The following PALM2AKAP2 variants were observed in gnomAD, a reference collection of about 807,000 sequenced individuals.
The protein encoded by PALM2AKAP2 is PALM2 and AKAP2 fusion.
In PALM2AKAP2, 37 loss-of-function variants were observed where a neutral mutation model predicts 71.5. The observed-to-expected ratio is 0.52, with a 90% confidence interval of 0.40 to 0.68. The LOEUF (loss-of-function observed/expected upper bound fraction) is 0.68, where lower values mean the gene tolerates loss of function less well. Among genes scored for constraint, PALM2AKAP2 ranks in the 30% least tolerant of loss-of-function variants. PALM2AKAP2 has a pLI of 0.00. For missense variants in PALM2AKAP2, 1,224 were observed against 1,191.8 expected (o/e 1.03, Z -0.40); for synonymous variants, 468 against 478.8 (o/e 0.98, Z 0.29).
In PALM2AKAP2 at chr9:110,005,888, G is replaced by A. The variant is rs189918359; in HGVS notation, c.497-10066G>A. ...AGACCATTGGAAAAGTGCAGTATTA[G>A]GGTGGGAGTGACCCGATTTTCCAGG... On this transcript the variant is annotated intron_variant, in intron 6 of 9. Transcript: ENST00000302798. 2.1e-3 allele frequency among the ~76,000 whole-genome samples: 318 copies of A among 152,288 alleles called. 1 individual carries two copies. The highest frequency in any genetic ancestry group is 6.0e-3 in the South Asian group (29 of 4,822).
intron 6 of PALM2AKAP2, among the ~76,000 whole-genome samples, chr9:109,994,727 C>A (rs1312708758): frequency 6.6e-6 from 1 of 152,158 alleles, no homozygotes; most frequent in Non-Finnish European, 1.5e-5. Flanking sequence ...CGCCACCCCA[C>A]ACCCACAGGC....
chr9:109,705,863 G>T (rs1421447414), intron 1 of PALM2AKAP2, among the ~76,000 whole-genome samples: 2 of 152,112 alleles, frequency 1.3e-5, no homozygotes, highest in Admixed American at 6.6e-5. Context: ...GATAATAAAA[G>T]TTTCTTACTC....
intron 3 of PALM2AKAP2, among the ~76,000 whole-genome samples, chr9:109,918,285 C>T (rs1404483937): frequency 6.6e-6 from 1 of 152,146 alleles, no homozygotes; most frequent in Non-Finnish European, 1.5e-5. Flanking sequence ...CTTCCCAGAG[C>T]GAGAGTTCCT....
chr9:109,653,097 T>A (rs969835261), intron 1 of PALM2AKAP2, among the ~76,000 whole-genome samples: 1 of 152,206 alleles, frequency 6.6e-6, no homozygotes. Flanking sequence ...GACTTAACCT[T>A]CAACTCTTTT....
At chr9:109,955,486 C>T (rs189985305) in intron 6 of PALM2AKAP2, among the ~76,000 whole-genome samples, 198 of 152,306 alleles carry the variant, frequency 1.3e-3, no homozygotes, top group African/African-American at 4.4e-3. Flanking sequence ...CTCAATAGTT[C>T]TGGAGGCTTC....
At chr9:109,855,605 A>G (rs997579765) in intron 1 of PALM2AKAP2, among the ~76,000 whole-genome samples, 1 of 152,278 alleles carries the variant, frequency 6.6e-6, no homozygotes, top group East Asian at 1.9e-4. Flanking sequence ...CTTCCATCCT[A>G]AAGTCAGACA....
chr9:109,909,779 A>G (rs1830528482), intron 3 of PALM2AKAP2, among the ~76,000 whole-genome samples: 1 of 152,128 alleles, frequency 6.6e-6, no homozygotes, highest in African/African-American at 2.4e-5. Context: ...TACCCATGGG[A>G]AGGGGAAGAG....
intron 3 of PALM2AKAP2, among the ~76,000 whole-genome samples, chr9:109,898,051 T>A (rs1218366631): frequency 6.6e-6 from 1 of 152,238 alleles, no homozygotes; most frequent in Non-Finnish European, 1.5e-5. Context: ...GGCAAAAATA[T>A]AATTTACTTA....
chr9:109,721,353 G>T (rs747578206), intron 1 of PALM2AKAP2, among the ~76,000 whole-genome samples: 8 of 152,188 alleles, frequency 5.3e-5, no homozygotes, highest in Non-Finnish European at 1.0e-4. Flanking sequence ...ATCTGAGGTG[G>T]CAGATTCTGA....
intron 2 of PALM2AKAP2, among the ~76,000 whole-genome samples, chr9:109,878,716 G>A (rs187676622): frequency 9.9e-5 from 15 of 152,208 alleles, no homozygotes; most frequent in African/African-American, 3.4e-4. Context: ...CATTAGTGAA[G>A]TCTAACTTAC....
chr9:109,923,433 C>T (rs904730925), intron 3 of PALM2AKAP2, among the ~76,000 whole-genome samples: 4 of 152,198 alleles, frequency 2.6e-5, no homozygotes, highest in African/African-American at 9.6e-5. Context: ...TATAATCTCC[C>T]TCCAAATAAG....
chr9:110,092,626 T>C (rs1834739384), intron 1 of PALM2AKAP2, among the ~76,000 whole-genome samples: 1 of 152,204 alleles, frequency 6.6e-6, no homozygotes, highest in Non-Finnish European at 1.5e-5. Context: ...GTAATCTGCA[T>C]AACTCAAACT....
At chr9:109,665,400 G>A (rs1482138837) in intron 1 of PALM2AKAP2, among the ~76,000 whole-genome samples, 2 of 152,012 alleles carry the variant, frequency 1.3e-5, no homozygotes, top group Non-Finnish European at 2.9e-5. Flanking sequence ...TGATGTTGAT[G>A]CTATTCCTTT....
Position 109,967,152 on chromosome 9 carries a change from C to T in PALM2AKAP2, c.496+35124C>T, listed in dbSNP as rs191320683. 2.4e-4 allele frequency among the ~76,000 whole-genome samples: 37 copies of T among 152,172 alleles called. 3 individuals carry two copies. Among genetic ancestry groups the T allele is most frequent in the Admixed American group, 1.9e-3 (29 of 15,278 alleles). On this transcript the variant is annotated intron_variant, in intron 6 of 9. Transcript: ENST00000302798. Reference sequence around the variant, plus strand: ...CTGAAGGCTTCCTCCCCCTCGTGTCCGGTGGTAGATGCTGGCTGGCTGTTG... The same window carrying T: ...CTGAAGGCTTCCTCCCCCTCGTGTCTGGTGGTAGATGCTGGCTGGCTGTTG...
At chr9:109,897,449 G>A (rs893034899) in intron 3 of PALM2AKAP2, among the ~76,000 whole-genome samples, 4 of 151,730 alleles carry the variant, frequency 2.6e-5, no homozygotes, top group African/African-American at 9.7e-5. Context: ...GCATGGTGGC[G>A]GGTGCCTGTA....
chr9:109,925,312 C>G (rs947514142), intron 5 of PALM2AKAP2, among the ~76,000 whole-genome samples: 1 of 152,074 alleles, frequency 6.6e-6, no homozygotes, highest in Non-Finnish European at 1.5e-5. Flanking sequence ...CAAAATTGGC[C>G]TGGCTCTTCT....
intron 3 of PALM2AKAP2, among the ~76,000 whole-genome samples, chr9:109,920,185 A>G (rs1271028077): frequency 6.6e-6 from 1 of 152,208 alleles, no homozygotes; most frequent in Non-Finnish European, 1.5e-5. Context: ...TTATCTGCTC[A>G]CATCCTATTG....
intron 6 of PALM2AKAP2, among the ~76,000 whole-genome samples, chr9:110,002,174 T>G (rs1832694110): frequency 6.6e-6 from 1 of 152,168 alleles, no homozygotes; most frequent in Admixed American, 6.5e-5. Flanking sequence ...CTCTTATTAT[T>G]TTGAGATACG....
At chr9:109,854,702 T>G (rs1035034522) in intron 1 of PALM2AKAP2, among the ~76,000 whole-genome samples, 1 of 151,972 alleles carries the variant, frequency 6.6e-6, no homozygotes, top group Non-Finnish European at 1.5e-5. Flanking sequence ...GCATTTACTT[T>G]TTATAAAAAT....
Sources: allele counts gnomAD v4.1 joint callset (sites outside exome capture counted in the v4.1 genomes callset), GRCh38; gene constraint gnomAD v4.1.1; transcripts MANE v1.5; gene names NCBI Gene and HGNC (gene_info 2026-07-23, HGNC 2026-07-21).